SEMA6D: variants seen among roughly 807,000 people sequenced by gnomAD.
SEMA6D encodes the protein semaphorin 6D, also known as semaphorin-6D.
Under a neutral mutation model 106.6 loss-of-function variants are expected in SEMA6D, and 35 were observed. The ratio of observed to expected loss-of-function variants is 0.33; its 90% CI spans 0.25 to 0.44. SEMA6D has a LOEUF of 0.44. Among genes scored for constraint, SEMA6D ranks in the 20% least tolerant of loss-of-function variants. The pLI is 1.00. For synonymous variants in SEMA6D, 499 were observed against 487.7 expected (o/e 1.02, Z -0.31); for missense variants, 1,185 against 1,345.9 (o/e 0.88, Z 1.87).
intron 1 of SEMA6D, among the ~76,000 whole-genome samples, chr15:47,290,547 C>T (rs2035552466): frequency 1.3e-5 from 2 of 151,830 alleles, no homozygotes; most frequent in African/African-American, 4.8e-5. Flanking sequence ...ACATATAAAT[C>T]ATTTATATAT....
At chr15:47,387,550 A>G (rs2145751865) in intron 1 of SEMA6D, among the ~76,000 whole-genome samples, 1 of 152,364 alleles carries the variant, frequency 6.6e-6, no homozygotes, top group Middle Eastern at 3.4e-3. Context: ...GCCTAGTTCC[A>G]CACCTAGTCT....
intron 1 of SEMA6D, among the ~76,000 whole-genome samples, chr15:47,407,737 T>G (rs1169427549): frequency 6.6e-6 from 1 of 152,208 alleles, no homozygotes; most frequent in Non-Finnish European, 1.5e-5. Context: ...ACCTGCAGTT[T>G]TTACATTCCA....
intron 1 of SEMA6D, among the ~76,000 whole-genome samples, chr15:47,373,290 C>G (rs960878855): frequency 6.6e-5 from 10 of 152,296 alleles, no homozygotes; most frequent in Admixed American, 1.3e-4. Context: ...GACAGGAGAG[C>G]TCCTCTCCAC....
chr15:47,628,480 C>T (rs1037485498), intron 4 of SEMA6D, among the ~76,000 whole-genome samples: 15 of 151,936 alleles, frequency 9.9e-5, no homozygotes, highest in African/African-American at 3.4e-4. Flanking sequence ...GATAGCTCAG[C>T]GTAATTTTTA....
At chr15:47,722,101 C>G (rs13313523) in intron 1 of SEMA6D, among the ~76,000 whole-genome samples, 3,286 of 152,262 alleles carry the variant, frequency 0.022, 122 homozygotes, top group African/African-American at 0.076. Flanking sequence ...GGGGTCACAG[C>G]TACTGAAAGT....
At chr15:47,358,897 A>G (rs1056193586) in intron 1 of SEMA6D, among the ~76,000 whole-genome samples, 1 of 152,204 alleles carries the variant, frequency 6.6e-6, no homozygotes, top group African/African-American at 2.4e-5. Context: ...TGGAGCCTCA[A>G]TCCTTTGGTC....
chr15:47,301,794 C>T (rs988232057), intron 1 of SEMA6D, among the ~76,000 whole-genome samples: 1 of 152,216 alleles, frequency 6.6e-6, no homozygotes, highest in Non-Finnish European at 1.5e-5. Context: ...GTTTGTGCCA[C>T]AGCATACTGA....
At chr15:47,567,834 C>T (rs2142837118) in intron 3 of SEMA6D, among the ~76,000 whole-genome samples, 1 of 152,040 alleles carries the variant, frequency 6.6e-6, no homozygotes, top group South Asian at 2.1e-4. Context: ...GATAAATGAA[C>T]AAATGAATTA....
At chr15:47,267,120 T>A (rs2034356047) in intron 1 of SEMA6D, among the ~76,000 whole-genome samples, 1 of 152,166 alleles carries the variant, frequency 6.6e-6, no homozygotes, top group African/African-American at 2.4e-5. Flanking sequence ...ATCATTTGTT[T>A]CTTTCAAGAA....
At chr15:47,715,116 GA>G (rs2079086633), upstream of SEMA6D, among the ~76,000 whole-genome samples, 3 of 152,156 alleles carry the variant, frequency 2.0e-5, no homozygotes, top group South Asian at 2.1e-4. Context: ...TAGAAGTCAG[GA>G]AAAGCAGAAA....
At chr15:47,492,523 C>T (rs2043505600) in intron 3 of SEMA6D, among the ~76,000 whole-genome samples, 1 of 152,140 alleles carries the variant, frequency 6.6e-6, no homozygotes, top group Non-Finnish European at 1.5e-5. Context: ...ACAGCACTGC[C>T]TATATTTTTA....
chr15:47,536,733 A>G (rs1260228741), intron 3 of SEMA6D, among the ~76,000 whole-genome samples: 1 of 152,234 alleles, frequency 6.6e-6, no homozygotes, highest in African/African-American at 2.4e-5. Flanking sequence ...AACTAAGCCA[A>G]TCATAATGTA....
chr15:47,721,448 A>C (rs2079417874), intron 1 of SEMA6D, among the ~76,000 whole-genome samples: 1 of 152,194 alleles, frequency 6.6e-6, no homozygotes. Context: ...GTTGCCGCTG[A>C]TTTTGTGAAC....
At chr15:47,202,858 A>T (rs2141099491) in intron 1 of SEMA6D, among the ~76,000 whole-genome samples, 1 of 152,216 alleles carries the variant, frequency 6.6e-6, no homozygotes, top group Non-Finnish European at 1.5e-5. Flanking sequence ...AGAGCGAAAA[A>T]ATGTGGACAA....
chr15:47,432,818 A>C (rs1238929092), intron 2 of SEMA6D, among the ~76,000 whole-genome samples: 2 of 152,100 alleles, frequency 1.3e-5, no homozygotes, highest in African/African-American at 2.4e-5. Flanking sequence ...TAAAAGTGCA[A>C]ATGATTAAAT....
intron 1 of SEMA6D, among the ~76,000 whole-genome samples, chr15:47,745,736 A>G (rs1288837946): frequency 2.0e-5 from 3 of 152,208 alleles, no homozygotes; most frequent in Non-Finnish European, 4.4e-5. Context: ...CAGGACTTAA[A>G]ATTCACCTGG....
intron 1 of SEMA6D, among the ~76,000 whole-genome samples, chr15:47,269,598 A>G (rs1017784805): frequency 1.3e-5 from 2 of 152,018 alleles, no homozygotes; most frequent in Non-Finnish European, 2.9e-5. Flanking sequence ...TATAAATTAA[A>G]TTGTTTTTAG....
intron 3 of SEMA6D, among the ~76,000 whole-genome samples, chr15:47,483,084 AAGTT>A (rs1022049193): frequency 3.9e-5 from 6 of 152,164 alleles, no homozygotes; most frequent in Non-Finnish European, 5.9e-5. Context: ...AGTACAGTAA[AAGTT>A]AGAAAATGTA....
chr15:47,333,925 A>C (rs1231955804), intron 1 of SEMA6D, among the ~76,000 whole-genome samples: 1 of 152,118 alleles, frequency 6.6e-6, no homozygotes, highest in South Asian at 2.1e-4. Context: ...AAGGCAATCT[A>C]ATCTGATTGT....
Sources: gnomAD v4.1 joint callset for allele counts (sites outside exome capture counted in the v4.1 genomes callset) on GRCh38, gnomAD v4.1.1 for gene constraint, MANE v1.5 for transcripts, NCBI Gene and HGNC (gene_info 2026-07-23, HGNC 2026-07-21) for gene names.